GFM2: variants seen among roughly 807,000 people sequenced by gnomAD.
The protein encoded by GFM2 is GTP dependent ribosome recycling factor mitochondrial 2.
In GFM2, 72 loss-of-function variants were observed where a neutral mutation model predicts 95.4. The ratio of observed to expected loss-of-function variants is 0.76; its 90% CI spans 0.62 to 0.92. The LOEUF is 0.92. Ranked by LOEUF, GFM2 falls within the 40% of genes least tolerant of loss-of-function variation. The pLI is 0.00. For missense variants in GFM2, 825 were observed against 924.1 expected (o/e 0.89, Z 1.39); for synonymous variants, 276 against 317.5 (o/e 0.87, Z 1.39).
At chr5:74,764,437 A>G (rs561080839) in intron 1 of GFM2, among the ~76,000 whole-genome samples, 4 of 152,208 alleles carry the variant, frequency 2.6e-5, no homozygotes, top group Non-Finnish European at 5.9e-5. Context: ...GCGGCCCACG[A>G]TATCTTTATA....
intron 17 of GFM2, 45 bp from the exon 18 acceptor site, chr5:74,726,171 A>C (rs1750138693): frequency 1.4e-6 from 2 of 1,443,298 alleles, no homozygotes; most frequent in Non-Finnish European, 1.9e-6. Flanking sequence ...AATTCTGGAA[A>C]GGTATCAAGG....
intron 8 of GFM2, among the ~76,000 whole-genome samples, chr5:74,746,975 G>A (rs1236928742): frequency 6.6e-6 from 1 of 152,102 alleles, no homozygotes; most frequent in Non-Finnish European, 1.5e-5. Flanking sequence ...TTTAGGGGAG[G>A]TATAGTTTAT....
intron 7 of GFM2, among the ~76,000 whole-genome samples, chr5:74,748,919 A>AAAT (rs59669455): frequency 0.092 from 12,549 of 136,588 alleles, 672 homozygotes; most frequent in African/African-American, 0.15. Context: ...TAAAAAAATA[A>AAAT]AAAAAAATAA....
chr5:74,728,446 A>C (rs1214470176), intron 17 of GFM2, among the ~76,000 whole-genome samples: 1 of 152,146 alleles, frequency 6.6e-6, no homozygotes, highest in Non-Finnish European at 1.5e-5. Context: ...GAGGAGTAAG[A>C]AAAGGAGGGG....
intron 17 of GFM2, among the ~76,000 whole-genome samples, chr5:74,727,577 A>G (rs778211320): frequency 6.6e-6 from 1 of 152,144 alleles, no homozygotes; most frequent in Non-Finnish European, 1.5e-5. Flanking sequence ...TATAAGTATG[A>G]ACTTAGAAAC....
chr5:74,740,214 CTAACCAGCCATG>C (rs1743047072), intron 11 of GFM2, 77 bp from the exon 12 acceptor site: 2 of 1,283,642 alleles, frequency 1.6e-6, no homozygotes, highest in East Asian at 5.1e-5. Flanking sequence ...GAGGTTTTCT[CTAACCAGCCATG>C]TAACCAGCAC....
intron 4 of GFM2, 63 bp downstream of exon 4, chr5:74,759,306 A>G (rs546935675): frequency 1.2e-5 from 11 of 937,796 alleles, no homozygotes; most frequent in Non-Finnish European, 1.9e-5. Flanking sequence ...CTTGTCCATC[A>G]GAAAAAACCT....
chr5:74,725,028 T>A (rs1750083629), intron 19 of GFM2: 3 of 152,200 alleles, frequency 2.0e-5, no homozygotes, highest in Non-Finnish European at 4.4e-5. Context: ...CTGAATCTGT[T>A]ATTCAGTGGG....
intron 10 of GFM2, among the ~76,000 whole-genome samples, chr5:74,742,322 C>A (rs1359996591): frequency 6.6e-6 from 1 of 151,484 alleles, no homozygotes; most frequent in African/African-American, 2.4e-5. Flanking sequence ...AACCATCCTT[C>A]TGGAAAGCAT....
chr5:74,731,107 C>A (rs1742540377), intron 16 of GFM2, among the ~76,000 whole-genome samples: 1 of 152,200 alleles, frequency 6.6e-6, no homozygotes, highest in African/African-American at 2.4e-5. Flanking sequence ...GCCACCGCAC[C>A]CGGCCAAAGC....
At chr5:74,749,319 A>G (rs141831969) in intron 7 of GFM2, among the ~76,000 whole-genome samples, 1,610 of 152,134 alleles carry the variant, frequency 0.011, 6 homozygotes, top group Non-Finnish European at 0.017. Flanking sequence ...CCTGGCCTCT[A>G]TTTTGCAGTC....
At chr5:74,733,946 A>G (rs951405698) in intron 15 of GFM2, among the ~76,000 whole-genome samples, 1 of 152,152 alleles carries the variant, frequency 6.6e-6, no homozygotes, top group African/African-American at 2.4e-5. Flanking sequence ...ATTTTAATAC[A>G]CTCAATTAAC....
At position 74,725,984 on chromosome 5, in the gene GFM2, G is replaced by A; in HGVS notation, c.1869C>T (p.Ser623=). ...GAATTCCATTTTCAATGGCCTCTTGGGAGACCTTCAAAAGGCCTTCATTGA... is the reference window on the plus strand; with the variant it reads ...GAATTCCATTTTCAATGGCCTCTTGAGAGACCTTCAAAAGGCCTTCATTGA... ...ESINEGLLKV[S]QEAIENGIHS... Residue 623 remains serine, a synonymous_variant, in exon 18 of 21, where the codon TCC becomes TCT. Transcript: ENST00000296805. 6.2e-7 allele frequency: 1 copy of A among 1,612,594 alleles called. No individual in the cohort carries two copies. Among genetic ancestry groups the A allele is most frequent in the Non-Finnish European group, 8.5e-7 (1 of 1,179,644 alleles).
At chr5:74,766,887 TGTGACAGGGTCACAG>T (rs1159847505) in intron 1 of GFM2, 36 bp downstream of exon 1, 1 of 153,258 alleles carries the variant, frequency 6.5e-6, no homozygotes, top group African/African-American at 2.4e-5. Flanking sequence ...TACCCAGCGC[TGTGACAGGGTCACAG>T]GCGCGCGATG....
intron 20 of GFM2, among the ~76,000 whole-genome samples, chr5:74,722,107 A>AAGAT (rs1485430929): frequency 1.3e-5 from 2 of 152,216 alleles, no homozygotes; most frequent in Admixed American, 6.5e-5. Context: ...TGGTGGAAGT[A>AAGAT]AGATAAATGC....
chr5:74,741,015 C>T (rs967909112), intron 11 of GFM2, among the ~76,000 whole-genome samples: 5 of 152,138 alleles, frequency 3.3e-5, no homozygotes, highest in Non-Finnish European at 7.4e-5. Context: ...GAGTTTCCTT[C>T]AAGAAATCTG....
intron 5 of GFM2, among the ~76,000 whole-genome samples, chr5:74,757,977 C>T (rs1181481282): frequency 6.6e-6 from 1 of 151,978 alleles, no homozygotes; most frequent in African/African-American, 2.4e-5. Context: ...TATAGAATTT[C>T]AATTTTGAAA....
At position 74,731,437 on chromosome 5, in the gene GFM2, C is replaced by G. The variant is rs1742555578; in HGVS notation, c.1588-1039G>C. 3.3e-5 allele frequency among the ~76,000 whole-genome samples: 5 copies of G among 152,282 alleles called. No homozygotes were observed. In the South Asian group the frequency reaches 1.0e-3, roughly 32 times the overall value. On this transcript the variant is annotated intron_variant, in intron 16 of 20. Transcript: ENST00000296805. ...GTATGATCAAGCCCCAATAATAATT[C>G]TGGCCACCAAAGGCTCGGGTGAGCT...
chr5:74,760,197 T>C (rs1253476249), intron 3 of GFM2, among the ~76,000 whole-genome samples: 2 of 152,270 alleles, frequency 1.3e-5, no homozygotes, highest in East Asian at 3.9e-4. Context: ...GGTTTGAAGA[T>C]CAAAAGATAA....
Sources: gnomAD v4.1 joint callset for allele counts (sites outside exome capture counted in the v4.1 genomes callset) on GRCh38, gnomAD v4.1.1 for gene constraint, MANE v1.5 for transcripts, NCBI Gene and HGNC (gene_info 2026-07-23, HGNC 2026-07-21) for gene names.